Variants in LEF1 observed in about 807,000 individuals in gnomAD.
The protein encoded by LEF1 is lymphoid enhancer-binding factor 1.
A neutral mutation model predicts 51.2 loss-of-function variants in LEF1; 14 were observed. The observed-to-expected ratio is 0.27, with a 90% CI of 0.18 to 0.43. LEF1 has a LOEUF of 0.43. Among genes scored for constraint, LEF1 ranks in the 20% least tolerant of loss-of-function variants. The pLI, the probability that LEF1 is intolerant of heterozygous loss-of-function variation, is 1.00. For missense variants in LEF1, 386 were observed against 512.0 expected, an observed-to-expected ratio of 0.75 and a Z score of 2.37; for synonymous variants, 185 against 183.2, an observed-to-expected ratio of 1.01 and a Z score of -0.08.
At chr4:108,159,014 T>C (rs1277462905) in intron 3 of LEF1, among the ~76,000 whole-genome samples, 1 of 152,162 alleles carries the variant, frequency 6.6e-6, no homozygotes, top group African/African-American at 2.4e-5. Context: ...TTTTGGGTTG[T>C]TCTCATGTCT....
At position 108,048,125 on chromosome 4, in the gene LEF1, C is replaced by T. The variant is rs549497032; in HGVS notation, c.*633G>A. On this transcript the variant is annotated 3_prime_UTR_variant, in exon 12 of 12. Coordinates refer to ENST00000265165, the MANE Select transcript of LEF1 (RefSeq NM_016269.5). ...GAACTTTCAATTTTATTTAAAAGCT[C>T]ATAGCTAGCAAAATATACAAGAAAA... is the stretch of plus-strand genomic sequence containing the variant. 1 of 150,886 alleles carries T rather than the reference C, an allele frequency of 6.6e-6. No homozygotes were observed. The highest frequency in any genetic ancestry group is 6.6e-5 in the Admixed American group (1 of 15,106). 9.3% of individuals were successfully genotyped at this position (150,886 alleles called of 1,614,324 possible).
intron 3 of LEF1, among the ~76,000 whole-genome samples, chr4:108,145,129 T>A (rs1382453792): frequency 6.6e-6 from 1 of 152,198 alleles, no homozygotes. Flanking sequence ...TACATATTTC[T>A]ATATGAAAAA....
chr4:108,139,729 T>C (rs896213408), intron 3 of LEF1, among the ~76,000 whole-genome samples: 2 of 152,336 alleles, frequency 1.3e-5, no homozygotes, highest in Admixed American at 6.5e-5. Context: ...CTCACAAACA[T>C]TTACAGCTGT....
intron 3 of LEF1, among the ~76,000 whole-genome samples, chr4:108,123,418 T>C (rs1225368984): frequency 1.3e-5 from 2 of 150,832 alleles, no homozygotes; most frequent in Non-Finnish European, 2.9e-5. Flanking sequence ...GACCCCAGCT[T>C]TCTGCTAGGG....
intron 9 of LEF1, among the ~76,000 whole-genome samples, chr4:108,069,429 A>C (rs2126273272): frequency 6.6e-6 from 1 of 152,384 alleles, no homozygotes; most frequent in South Asian, 2.1e-4. Flanking sequence ...CTACAGTAAT[A>C]AAACAATTGG....
chr4:108,103,563 AC>A (rs1305416931), intron 3 of LEF1, among the ~76,000 whole-genome samples: 1 of 152,188 alleles, frequency 6.6e-6, no homozygotes, highest in East Asian at 1.9e-4. Flanking sequence ...CTAATTCTTG[AC>A]CATAATTACA....
At chr4:108,162,896 C>T (rs925437266) in intron 3 of LEF1, among the ~76,000 whole-genome samples, 3 of 151,992 alleles carry the variant, frequency 2.0e-5, no homozygotes, top group Non-Finnish European at 4.4e-5. Flanking sequence ...ATCAAATAAA[C>T]CTGAAATTCT....
At chr4:108,154,875 C>A (rs1744595842) in intron 3 of LEF1, among the ~76,000 whole-genome samples, 1 of 151,992 alleles carries the variant, frequency 6.6e-6, no homozygotes, top group Non-Finnish European at 1.5e-5. Context: ...TGGGATTTTA[C>A]TGAAAGAAAA....
In LEF1 at chr4:108,079,655, G is replaced by C. The variant is rs1172284771; in HGVS notation, c.723-41C>G. 4 of 1,611,306 alleles carry C rather than the reference G, an allele frequency of 2.5e-6. No homozygotes were observed. In the Admixed American group the frequency reaches 6.7e-5, roughly 27 times the overall value. On this transcript the variant is annotated intron_variant, in intron 6 of 11. Transcript: ENST00000265165. ...AGAAGAAAACAATGTACTACTGGCT[G>C]TTGCAGCAAAAGCTAGATGGAATTT...
At chr4:108,103,675 C>A (rs1161583314) in intron 3 of LEF1, among the ~76,000 whole-genome samples, 1 of 152,208 alleles carries the variant, frequency 6.6e-6, no homozygotes, top group African/African-American at 2.4e-5. Context: ...AATGTGGAGA[C>A]ACTGTAAGTC....
chr4:108,073,774 T>A (rs1013567011), intron 8 of LEF1, among the ~76,000 whole-genome samples: 3 of 151,204 alleles, frequency 2.0e-5, no homozygotes, highest in Non-Finnish European at 4.4e-5. Context: ...AAAGTAGGCA[T>A]AAACTAAACT....
At chr4:108,078,589 C>T (rs1168756246) in intron 7 of LEF1, 1 of 601,310 alleles carries the variant, frequency 1.7e-6, no homozygotes, top group Non-Finnish European at 2.9e-6. Context: ...AATAGGGCTT[C>T]CTATCTACTC....
intron 3 of LEF1, among the ~76,000 whole-genome samples, chr4:108,154,443 CAAAA>C (rs10672899): frequency 1.1e-4 from 8 of 71,984 alleles, no homozygotes; most frequent in East Asian, 9.9e-4. Context: ...AAGGTAGTAG[CAAAA>C]AAAAAAAAAA....
rs1170418921 is a variant in LEF1 at position 108,168,837 on chromosome 4, G to C, written c.-1070C>G. Reference sequence around the variant, plus strand: ...AGCTTGGCCGCGTGCGAGGCTCCGGGCGCGTCCTGGTTCCTCGGCCCGAGA... The same window carrying C: ...AGCTTGGCCGCGTGCGAGGCTCCGGCCGCGTCCTGGTTCCTCGGCCCGAGA... On this transcript the variant is annotated 5_prime_UTR_variant, in exon 1 of 12. Transcript: ENST00000265165. The surrounding 1 kb of genome is among the most constrained non-coding windows in gnomAD (Gnocchi z 4.6). 2 of 152,202 alleles carry C rather than the reference G, an allele frequency of 1.3e-5. No homozygotes were observed. Among genetic ancestry groups the C allele is most frequent in the Non-Finnish European group, 2.9e-5 (2 of 68,046 alleles). The allele number at this position is 152,202 out of a possible 1,614,324, so 9.4% of individuals were successfully genotyped here. A position where few individuals can be genotyped will look rare whatever the true frequency, so the allele number is the denominator to read the frequency against.
intron 11 of LEF1, among the ~76,000 whole-genome samples, chr4:108,053,604 A>G (rs1483604784): frequency 6.6e-6 from 1 of 152,190 alleles, no homozygotes; most frequent in Admixed American, 6.5e-5. Flanking sequence ...CAAGCCTGTG[A>G]CCGTTAATGA....
chr4:108,093,202 A>C (rs917429703), intron 3 of LEF1, among the ~76,000 whole-genome samples: 1 of 152,166 alleles, frequency 6.6e-6, no homozygotes, highest in African/African-American at 2.4e-5. Context: ...CTCACTACAC[A>C]ACTCCAGTAA....
At chr4:108,144,252 A>G (rs1003049349) in intron 3 of LEF1, among the ~76,000 whole-genome samples, 4 of 152,182 alleles carry the variant, frequency 2.6e-5, no homozygotes, top group African/African-American at 9.6e-5. Context: ...CTCTGAAGTA[A>G]TTCTCCCAAC....
chr4:108,070,872 C>T, intron 8 of LEF1, 102 bp from the exon 9 acceptor site: 2 of 812,576 alleles, frequency 2.5e-6, no homozygotes, highest in East Asian at 2.7e-5. Context: ...AGCATTTAAA[C>T]TTTGATTTAT....
chr4:108,092,608 CT>C, intron 3 of LEF1, among the ~76,000 whole-genome samples: 2 of 152,278 alleles, frequency 1.3e-5, no homozygotes, highest in Admixed American at 1.3e-4. Context: ...TAAAACCATT[CT>C]TAATTCCATT....
Sources: allele counts gnomAD v4.1 joint callset (sites outside exome capture counted in the v4.1 genomes callset), GRCh38; gene constraint gnomAD v4.1.1; non-coding constraint Gnocchi (gnomAD v3.1); transcripts MANE v1.5; gene names NCBI Gene and HGNC (gene_info 2026-07-23, HGNC 2026-07-21).